PSD2: variants seen among roughly 807,000 people sequenced by gnomAD.
PSD2 encodes the protein PH and SEC7 domain-containing protein 2.
Under a neutral mutation model 69.8 loss-of-function variants are expected in PSD2, and 38 were observed. The ratio of observed to expected loss-of-function variants is 0.54; its 90% CI spans 0.42 to 0.71. The LOEUF is 0.71. Among genes scored for constraint, PSD2 ranks in the 30% least tolerant of loss-of-function variants. The pLI, the probability that PSD2 is intolerant of heterozygous loss-of-function variation, is 0.00. For missense variants in PSD2, 943 were observed against 1,014.5 expected (o/e 0.93, Z 0.96); for synonymous variants, 412 against 423.0 (o/e 0.97, Z 0.32).
chr5:139,843,149 T>C lies in PSD2; in HGVS notation c.*675T>C, dbSNP rs1760918010. ...GAATAATATATACATAAGGAACCCC[T>C]GAAAGATGGTTTTGGAACTGGAATC... On this transcript the variant is annotated 3_prime_UTR_variant, in exon 15 of 15. Transcript: ENST00000274710. 6.6e-6 allele frequency: 1 copy of C among 152,432 alleles called. No individual in the cohort carries two copies. The highest frequency in any genetic ancestry group is 1.5e-5 in the Non-Finnish European group (1 of 68,034). The allele number at this position is 152,432 out of a possible 1,614,324, so 9.4% of individuals were successfully genotyped here.
At chr5:139,788,170 C>G in the PSD2 span, among the ~76,000 whole-genome samples, 1 of 47,944 alleles carries the variant, frequency 2.1e-5, no homozygotes, top group East Asian at 5.8e-4. Flanking sequence ...GAGAGCCCGC[C>G]CCCCCCGCGC....
chr5:139,805,508 C>T (rs1759782227), intron 1 of PSD2, among the ~76,000 whole-genome samples: 1 of 152,184 alleles, frequency 6.6e-6, no homozygotes, highest in South Asian at 2.1e-4. Context: ...CCTCACTGAA[C>T]TTACATCCTA....
intron 2 of PSD2, among the ~76,000 whole-genome samples, chr5:139,812,764 C>T (rs1448026663): frequency 1.3e-5 from 2 of 152,166 alleles, no homozygotes; most frequent in Admixed American, 1.3e-4. Flanking sequence ...AAAATTATGA[C>T]CCAGTGTGAC....
At chr5:139,822,814 C>T (rs1036425958) in intron 7 of PSD2, 30 bp downstream of exon 7, 7 of 1,590,274 alleles carry the variant, frequency 4.4e-6, no homozygotes, top group Admixed American at 3.5e-5. Flanking sequence ...GGGGGTGTCG[C>T]ATGTCCTCTC....
rs377351362 is a variant in PSD2 at position 139,813,545 on chromosome 5, T to C, written c.608T>C (p.Met203Thr). The C allele has an allele frequency of 2.5e-6, 4 of 1,610,726 alleles. No individual in the cohort carries two copies. The African/African-American group carries it at 4.0e-5, about 16-fold the overall frequency. ...EPGAGLGIGD[M>T]AFEGDMGAAG... Reference sequence around the variant, plus strand: ...GGGGCTGGGTTGGGCATTGGGGACATGGCGTTTGAGGGGGACATGGGGGCA... The same window carrying C: ...GGGGCTGGGTTGGGCATTGGGGACACGGCGTTTGAGGGGGACATGGGGGCA... The change falls in exon 3 of 15, where the codon ATG (methionine) becomes ACG (threonine). Residue 203 changes from methionine to threonine, a missense_variant. Around this residue, in one of 3 missense-constraint regions of PSD2, gnomAD observed 466 missense variants for 445.0 expected, o/e 1.05. Coordinates refer to ENST00000274710, the MANE Select transcript of PSD2 (RefSeq NM_032289.4).
the PSD2 span, among the ~76,000 whole-genome samples, chr5:139,752,733 C>T: frequency 6.6e-6 from 1 of 152,240 alleles, no homozygotes; most frequent in African/African-American, 2.4e-5. Context: ...CACACACATA[C>T]ACACACGTAG....
chr5:139,815,713 G>C (rs1232207532), intron 4 of PSD2, among the ~76,000 whole-genome samples: 1 of 152,018 alleles, frequency 6.6e-6, no homozygotes, highest in Non-Finnish European at 1.5e-5. Context: ...AAAATTTCAG[G>C]CCGGGCATAG....
In PSD2 at chr5:139,813,697, G is replaced by A. The variant is rs773386503; in HGVS notation, c.760G>A (p.Gly254Ser). Residue 254 changes from glycine to serine, a missense_variant, in exon 3 of 15, where the codon GGC becomes AGC. Physicochemically the swap from Gly to Ser is moderately conservative, Grantham distance 56 (BLOSUM62 0). This residue lies in a region of PSD2 where 466 missense variants were observed against 445.0 expected (regional missense o/e 1.05). Coordinates refer to ENST00000274710, the MANE Select transcript of PSD2 (RefSeq NM_032289.4). ...TGGATTCCATGAAGATGGCCCTCAG[G>A]GCCCAGGGGGGGATGAGGATGATGA... ...PNGFHEDGPQ[G>S]PGGDEDDDEE... The A allele has an allele frequency of 1.2e-6, 2 of 1,613,560 alleles. No homozygotes were observed. The highest frequency in any genetic ancestry group is 1.7e-5 in the Admixed American group (1 of 60,008).
chr5:139,840,804 G>A (rs560553318), intron 14 of PSD2, among the ~76,000 whole-genome samples: 3 of 152,042 alleles, frequency 2.0e-5, no homozygotes, highest in Admixed American at 6.5e-5. Flanking sequence ...CACCTGCCTC[G>A]GCCTCCCAAA....
Position 139,795,937 on chromosome 5 carries a change from C to T in PSD2, c.-89C>T, listed in dbSNP as rs1415422015. 1.3e-5 allele frequency: 2 copies of T among 150,820 alleles called. No homozygotes were observed. Among genetic ancestry groups the T allele is most frequent in the Non-Finnish European group, 3.0e-5 (2 of 67,568 alleles). 9.3% of individuals were successfully genotyped at this position (150,820 alleles called of 1,614,324 possible). On this transcript the variant is annotated 5_prime_UTR_variant, in exon 1 of 15. Coordinates refer to ENST00000274710, the MANE Select transcript of PSD2 (RefSeq NM_032289.4). This position sits in a 1 kb window ranked among gnomAD's most constrained non-coding sequence, Gnocchi z 4.5. ...GCAGCCCGGCGGCCTCCGATGGCCC[C>T]GCCGTGAGAGGCCGGACCCGCGGCG...
the PSD2 span, among the ~76,000 whole-genome samples, chr5:139,770,617 A>G: frequency 6.6e-6 from 1 of 152,222 alleles, no homozygotes; most frequent in South Asian, 2.1e-4. Flanking sequence ...GAACCCTGCT[A>G]TAGCCTTCTT....
At chr5:139,831,818 G>A (rs1420381802) in intron 7 of PSD2, among the ~76,000 whole-genome samples, 2 of 152,064 alleles carry the variant, frequency 1.3e-5, no homozygotes, top group African/African-American at 4.8e-5. Flanking sequence ...ATTTCCATCT[G>A]GGATACTTTT....
chr5:139,764,937 A>C, the PSD2 span, among the ~76,000 whole-genome samples: 1 of 152,076 alleles, frequency 6.6e-6, no homozygotes, highest in African/African-American at 2.4e-5. Context: ...TGTGAGGGGC[A>C]CTGAGGCACA....
At chr5:139,808,274 C>T (rs544889373) in intron 1 of PSD2, among the ~76,000 whole-genome samples, 2 of 152,274 alleles carry the variant, frequency 1.3e-5, no homozygotes, top group East Asian at 3.9e-4. Flanking sequence ...CAGGGGCAGA[C>T]AGGGGAGGAG....
At chr5:139,817,307 C>A (rs1760145013) in intron 4 of PSD2, among the ~76,000 whole-genome samples, 174 bp from the exon 5 acceptor site, 1 of 151,990 alleles carries the variant, frequency 6.6e-6, no homozygotes. Flanking sequence ...GAAAGCCTTC[C>A]TGACACCCCA....
At chr5:139,758,147 T>C in the PSD2 span, among the ~76,000 whole-genome samples, 5 of 152,132 alleles carry the variant, frequency 3.3e-5, no homozygotes, top group African/African-American at 9.7e-5. Context: ...AGGCCACAGA[T>C]AGATGTAGGG....
chr5:139,825,198 G>A (rs982172210), intron 7 of PSD2, among the ~76,000 whole-genome samples: 4 of 152,352 alleles, frequency 2.6e-5, no homozygotes, highest in Admixed American at 2.6e-4. Context: ...AGGTGTGATG[G>A]GTCCGGTCTA....
the PSD2 span, among the ~76,000 whole-genome samples, chr5:139,757,660 T>A: frequency 2.0e-5 from 3 of 152,140 alleles, no homozygotes; most frequent in Non-Finnish European, 4.4e-5. Context: ...ACTCTAAATA[T>A]CTCCAACCCT....
chr5:139,813,731 A>G lies in PSD2; in HGVS notation c.794A>G (p.Asp265Gly), dbSNP rs1265569482. The stretch of plus-strand genomic sequence containing the variant: ...GGGGATGAGGATGATGATGAGGAGG[A>G]CACGGACAAGTTGCTGAACTCAGCC... Reference protein sequence around the residue: ...PGGDEDDDEEDTDKLLNSASD... With the variant: ...PGGDEDDDEEGTDKLLNSASD... Residue 265 changes from aspartate (D) to glycine (G), a missense_variant, in exon 3 of 15, where the codon GAC becomes GGC. Physicochemically the swap from Asp to Gly is moderately conservative, Grantham distance 94. This residue lies in a region of PSD2 where 466 missense variants were observed against 445.0 expected (regional missense o/e 1.05). Coordinates refer to ENST00000274710, the MANE Select transcript of PSD2 (RefSeq NM_032289.4). The G allele has an allele frequency of 3.1e-6, 5 of 1,607,944 alleles. No individual in the cohort carries two copies. The African/African-American group carries it at 6.7e-5, about 21-fold the overall frequency.
Sources: gnomAD v4.1 joint callset for allele counts (sites outside exome capture counted in the v4.1 genomes callset) on GRCh38, gnomAD v4.1.1 for gene constraint, gnomAD v4.1.1 regional missense constraint, Gnocchi (gnomAD v3.1) non-coding constraint, MANE v1.5 for transcripts, NCBI Gene and HGNC (gene_info 2026-07-23, HGNC 2026-07-21) for gene names.